The following MGLL variants were observed in gnomAD, a reference collection of about 807,000 sequenced individuals.
MGLL encodes the protein monoglyceride lipase.
In MGLL, 7 loss-of-function variants were observed where a neutral mutation model predicts 29.1. The ratio of observed to expected loss-of-function variants is 0.24; its 90% confidence interval spans 0.14 to 0.45. The LOEUF (loss-of-function observed/expected upper bound fraction) is 0.45. Among genes scored for constraint, MGLL ranks in the 20% least tolerant of loss-of-function variants. The pLI is 0.99. For missense variants in MGLL, 356 were observed against 413.6 expected, an observed-to-expected ratio of 0.86 and a Z score of 1.21; for synonymous variants, 148 against 168.3, an observed-to-expected ratio of 0.88 and a Z score of 0.93.
Position 127,821,553 on chromosome 3 carries a change from G to T in MGLL, c.155+141C>A, listed in dbSNP as rs1340512497. On this transcript the variant is annotated intron_variant, in intron 2 of 7. Coordinates refer to ENST00000265052, the MANE Select transcript of MGLL (RefSeq NM_007283.7). ...TATACATTTTAGCTTTGTTAACATT[G>T]CTCAGCCTAACATTAAAACGGCAGG... 5.8e-6 allele frequency: 5 copies of T among 857,016 alleles called. No individual in the cohort carries two copies. In the Admixed American group the frequency reaches 1.2e-4, roughly 20 times the overall value. 53.1% of individuals were successfully genotyped at this position (857,016 alleles called of 1,614,324 possible).
intron 6 of MGLL, among the ~76,000 whole-genome samples, chr3:127,705,095 A>G (rs1372187814): frequency 1.3e-5 from 2 of 152,344 alleles, no homozygotes; most frequent in East Asian, 1.9e-4. Flanking sequence ...GCTGGAAGCC[A>G]TTATCCTCAG....
chr3:127,775,304 A>G (rs1276378498), intron 3 of MGLL, among the ~76,000 whole-genome samples: 1 of 152,212 alleles, frequency 6.6e-6, no homozygotes, highest in African/African-American at 2.4e-5. Flanking sequence ...CTAAGGCAAG[A>G]AAAACGGTTA....
At chr3:127,741,554 G>T (rs2076340760) in intron 3 of MGLL, among the ~76,000 whole-genome samples, 1 of 151,552 alleles carries the variant, frequency 6.6e-6, no homozygotes, top group African/African-American at 2.5e-5. Flanking sequence ...GAGGTTTGTG[G>T]GGAGCGGGCA....
intron 6 of MGLL, among the ~76,000 whole-genome samples, chr3:127,708,446 G>A (rs782452): frequency 0.068 from 10,426 of 152,238 alleles, 990 homozygotes; most frequent in African/African-American, 0.21. Context: ...AACAGAGGAG[G>A]GGAGCCCCAC....
At chr3:127,791,014 C>T (rs1215161287) in intron 2 of MGLL, among the ~76,000 whole-genome samples, 1 of 152,206 alleles carries the variant, frequency 6.6e-6, no homozygotes, top group Non-Finnish European at 1.5e-5. Flanking sequence ...ACCCGTACCA[C>T]TGAGACTGCA....
At chr3:127,752,290 G>A (rs922402933) in intron 3 of MGLL, among the ~76,000 whole-genome samples, 4 of 152,032 alleles carry the variant, frequency 2.6e-5, no homozygotes, top group African/African-American at 9.7e-5. Context: ...GTAGAGATGG[G>A]GTTTCACCAT....
chr3:127,727,096 G>A (rs1335264619), intron 3 of MGLL, among the ~76,000 whole-genome samples: 3 of 152,080 alleles, frequency 2.0e-5, no homozygotes, highest in Admixed American at 6.5e-5. Flanking sequence ...ATTGTTTCCC[G>A]TCATGGTCTG....
In MGLL at chr3:127,697,701, C is replaced by T. The variant is rs551468370; in HGVS notation, c.601-2511G>A. 2.0e-5 allele frequency among the ~76,000 whole-genome samples: 3 copies of T among 152,342 alleles called. No individual in the cohort carries two copies. The East Asian group carries it at 5.8e-4, about 29-fold the overall frequency. ...GGGTTGACGGCTTATTTTCTCCTTGCCCCACAGAAAGAGTCAGGGCCGTGT... is the reference window on the plus strand; with the variant it reads ...GGGTTGACGGCTTATTTTCTCCTTGTCCCACAGAAAGAGTCAGGGCCGTGT... On this transcript the variant is annotated intron_variant, in intron 6 of 7. Coordinates refer to ENST00000265052, the MANE Select transcript of MGLL (RefSeq NM_007283.7).
intron 3 of MGLL, among the ~76,000 whole-genome samples, chr3:127,741,321 TG>T (rs925633518): frequency 2.6e-5 from 4 of 152,034 alleles, no homozygotes; most frequent in African/African-American, 4.8e-5. Context: ...CATGCTTTCT[TG>T]GGGGGGAAAG....
intron 7 of MGLL, among the ~76,000 whole-genome samples, chr3:127,694,635 C>G (rs1485637940): frequency 6.6e-6 from 1 of 152,118 alleles, no homozygotes; most frequent in African/African-American, 2.4e-5. Flanking sequence ...GCTTGGGCAT[C>G]ACACGTGTCC....
intron 3 of MGLL, among the ~76,000 whole-genome samples, chr3:127,747,010 C>T (rs1198538120): frequency 6.6e-6 from 1 of 152,214 alleles, no homozygotes; most frequent in African/African-American, 2.4e-5. Flanking sequence ...CTGATGGAGC[C>T]ACCTGAGGTC....
At chr3:127,752,883 A>G (rs1391097130) in intron 3 of MGLL, among the ~76,000 whole-genome samples, 2 of 152,194 alleles carry the variant, frequency 1.3e-5, no homozygotes, top group East Asian at 3.8e-4. Flanking sequence ...TTCCTGCTTT[A>G]ATCTAAAGTG....
At chr3:127,794,254 G>A (rs2077346498) in intron 2 of MGLL, among the ~76,000 whole-genome samples, 1 of 152,118 alleles carries the variant, frequency 6.6e-6, no homozygotes, top group African/African-American at 2.4e-5. Flanking sequence ...AGACCAGCCT[G>A]GCCAACATGG....
intron 3 of MGLL, among the ~76,000 whole-genome samples, chr3:127,763,828 A>G (rs2076809260): frequency 6.6e-6 from 1 of 152,116 alleles, no homozygotes; most frequent in African/African-American, 2.4e-5. Flanking sequence ...TAAACTGCAG[A>G]TGGGTCTTGT....
At chr3:127,740,232 A>G (rs2076314259) in intron 3 of MGLL, among the ~76,000 whole-genome samples, 1 of 152,214 alleles carries the variant, frequency 6.6e-6, no homozygotes, top group South Asian at 2.1e-4. Flanking sequence ...TGTGGCATGA[A>G]GCTCGTTCAC....
chr3:127,697,955 C>T (rs1473836560), intron 6 of MGLL, among the ~76,000 whole-genome samples: 1 of 152,178 alleles, frequency 6.6e-6, no homozygotes, highest in African/African-American at 2.4e-5. Context: ...CTTACAACCA[C>T]CTTCTTCCTG....
chr3:127,787,576 G>A (rs1336926498), intron 2 of MGLL, among the ~76,000 whole-genome samples: 1 of 152,232 alleles, frequency 6.6e-6, no homozygotes, highest in African/African-American at 2.4e-5. Context: ...TATGGTCAGA[G>A]GGATACAGTG....
chr3:127,821,992 T>A, intron 1 of MGLL, 154 bp from the exon 2 acceptor site: 1 of 837,070 alleles, frequency 1.2e-6, no homozygotes, highest in Non-Finnish European at 1.8e-6. Context: ...ATACATTTCT[T>A]GCAAACCTCT....
Position 127,691,617 on chromosome 3 carries a change from TAAC to T in MGLL, c.*578_*580del. 1 of 159,246 alleles carries T rather than the reference TAAC, an allele frequency of 6.3e-6. No individual in the cohort carries two copies. Among genetic ancestry groups the T allele is most frequent in the South Asian group, 1.8e-4 (1 of 5,576 alleles). 9.9% of individuals were successfully genotyped at this position (159,246 alleles called of 1,614,324 possible). A position where few individuals can be genotyped will look rare whatever the true frequency, so the allele number is the denominator to read the frequency against. On this transcript the variant is annotated 3_prime_UTR_variant, in exon 8 of 8. Transcript: ENST00000265052. The stretch of plus-strand genomic sequence containing the variant: ...CCCTCTGCAAAGCCTGGTCTCAGGC[TAAC>T]AAGGAGCCCACAAAGTCATGGGTGG...
Sources: gnomAD v4.1 joint callset for allele counts (sites outside exome capture counted in the v4.1 genomes callset) on GRCh38, gnomAD v4.1.1 for gene constraint, MANE v1.5 for transcripts, NCBI Gene and HGNC (gene_info 2026-07-23, HGNC 2026-07-21) for gene names.